Variants in PLSCR5 observed in about 807,000 individuals in gnomAD.
The protein encoded by PLSCR5 is phospholipid scramblase family member 5.
Under a neutral mutation model 33.6 loss-of-function variants are expected in PLSCR5, and 44 were observed. The ratio of observed to expected loss-of-function variants is 1.31; its 90% CI spans 1.03 to 1.69. The LOEUF is 1.69. Ranked by LOEUF, PLSCR5 falls within the 40% of genes most tolerant of loss-of-function variation. PLSCR5 has a pLI of 0.00. For synonymous variants in PLSCR5, 148 were observed against 112.3 expected (o/e 1.32, Z -2.01); for missense variants, 375 against 318.7 (o/e 1.18, Z -1.34).
At chr3:146,602,390 A>G (rs1265411674) in intron 1 of PLSCR5, among the ~76,000 whole-genome samples, 1 of 152,196 alleles carries the variant, frequency 6.6e-6, no homozygotes, top group African/African-American at 2.4e-5. Flanking sequence ...AGAAAAACAT[A>G]GAAGCAAAAT....
rs1219601511 is a variant in PLSCR5, at chr3:146,577,289, C to T, written c.*45-564G>A. On this transcript the variant is annotated intron_variant, in intron 7 of 7. Transcript: ENST00000482567. ...GCATTTGTATCCATTCTTAGACCTA[C>T]TCACACTTGCTCAATGACCTTGAGT... 3.3e-5 allele frequency among the ~76,000 whole-genome samples: 5 copies of T among 152,222 alleles called. No homozygotes were observed. In the South Asian group the frequency reaches 8.3e-4, roughly 25 times the overall value.
intron 7 of PLSCR5, among the ~76,000 whole-genome samples, chr3:146,580,632 T>C (rs1274740786): frequency 6.6e-6 from 1 of 151,978 alleles, no homozygotes; most frequent in African/African-American, 2.4e-5. Flanking sequence ...CCCAGTTAAT[T>C]TTTTGTATTT....
At chr3:146,581,298 T>C (rs139774353), downstream of PLSCR5, among the ~76,000 whole-genome samples, 238 of 152,352 alleles carry the variant, frequency 1.6e-3, 2 homozygotes, top group Middle Eastern at 0.017. Context: ...TTGTTTTAGA[T>C]ATTGAGTGGT....
Position 146,600,403 on chromosome 3 carries a change from T to C in PLSCR5, c.74A>G (p.Gln25Arg). Residue 25 changes from glutamine (Q) to arginine (R), a missense_variant, in exon 2 of 8, where the codon CAA becomes CGA. Gln to Arg is a conservative substitution (Grantham distance 43, BLOSUM62 1). Transcript: ENST00000443512. ...TGGATTGGAAGAGGCAGGAAGGCTT[T>C]GGTCTGGGTCTGGAGCTCCAGGAAG... Reference protein sequence around the residue: ...GFLPGAPDPDQSLPASSNPGN... With the variant: ...GFLPGAPDPDRSLPASSNPGN... The C allele has an allele frequency of 1.2e-6, 2 of 1,608,860 alleles. No individual in the cohort carries two copies. Among genetic ancestry groups the C allele is most frequent in the Non-Finnish European group, 8.5e-7 (1 of 1,176,992 alleles).
In PLSCR5 at chr3:146,589,787, T is replaced by A; in HGVS notation, c.643A>T (p.Ile215Phe). ...EVKTINEKLT[I>F]GKISKYWSGF... ...GACCAGTACTTTGAAATCTTCCCAA[T>A]TGTAAGCTTTTCATTAATGGTTTTC... The change falls in exon 6 of 8, where the codon ATT (isoleucine) becomes TTT (phenylalanine). Residue 215 changes from isoleucine to phenylalanine, a missense_variant. By Grantham distance (21) the Ile-to-Phe change is conservative. Transcript: ENST00000443512. 1.3e-6 allele frequency: 2 copies of A among 1,556,440 alleles called. No homozygotes were observed. The highest frequency in any genetic ancestry group is 1.8e-6 in the Non-Finnish European group (2 of 1,139,488).
chr3:146,578,703 C>T (rs1235365134), intron 7 of PLSCR5, among the ~76,000 whole-genome samples: 1 of 152,030 alleles, frequency 6.6e-6, no homozygotes, highest in Non-Finnish European at 1.5e-5. Context: ...TCATAATGTT[C>T]ATTAATGCTA....
intron 2 of PLSCR5, among the ~76,000 whole-genome samples, chr3:146,596,104 GATTAAATTAAAAAATCTGTA>G (rs1270001037): frequency 6.6e-6 from 1 of 151,950 alleles, no homozygotes; most frequent in Non-Finnish European, 1.5e-5. Flanking sequence ...GAGAAATGAT[GATTAAATTAAAAAATCTGTA>G]ATGCAAATTG....
chr3:146,590,994 T>TTTG lies in PLSCR5; in HGVS notation c.615+723_615+725dup, dbSNP rs62882060. Among the ~76,000 whole-genome samples the TTTG allele has an allele frequency of 1.1e-4, 8 of 75,490 alleles. No individual in the cohort carries two copies. The South Asian group carries it at 2.4e-3, about 22-fold the overall frequency. The allele number at this position is 75,490 out of a possible 152,430, so 49.5% of individuals were successfully genotyped here. ...TACAAATACGAGAATAAGGTTTTTT[T>TTTG]TTGTTTTTTTTTTTTGTTTTTTTTA... On this transcript the variant is annotated intron_variant, in intron 5 of 7. Coordinates refer to ENST00000443512, the MANE Select transcript of PLSCR5 (RefSeq NM_001085420.2).
chr3:146,597,108 A>G (rs1054444853), intron 2 of PLSCR5, among the ~76,000 whole-genome samples: 6 of 152,190 alleles, frequency 3.9e-5, no homozygotes, highest in African/African-American at 1.2e-4. Flanking sequence ...GAGTTTAGGT[A>G]CTTTGAATAC....
intron 6 of PLSCR5, among the ~76,000 whole-genome samples, chr3:146,588,179 T>C (rs972818173): frequency 6.6e-6 from 1 of 152,040 alleles, no homozygotes; most frequent in Non-Finnish European, 1.5e-5. Flanking sequence ...ACTTAAAAAA[T>C]GCCAATGTCG....
chr3:146,590,880 T>C (rs544795593), intron 5 of PLSCR5, among the ~76,000 whole-genome samples: 2 of 152,052 alleles, frequency 1.3e-5, no homozygotes, highest in East Asian at 3.9e-4. Context: ...CTCCTCTACC[T>C]AAGTTGTATG....
At chr3:146,601,758 T>G (rs1303921558) in intron 1 of PLSCR5, among the ~76,000 whole-genome samples, 1 of 152,122 alleles carries the variant, frequency 6.6e-6, no homozygotes, top group Non-Finnish European at 1.5e-5. Flanking sequence ...TGTTTGTGTG[T>G]GGGGCAGGGG....
At chr3:146,594,262 T>C in intron 3 of PLSCR5, 122 bp from the exon 4 acceptor site, 1 of 697,246 alleles carries the variant, frequency 1.4e-6, no homozygotes, top group East Asian at 2.8e-5. Context: ...TATGGTATCT[T>C]CTTCACACAA....
At chr3:146,596,925 T>C (rs966838001) in intron 2 of PLSCR5, among the ~76,000 whole-genome samples, 1 of 152,138 alleles carries the variant, frequency 6.6e-6, no homozygotes, top group African/African-American at 2.4e-5. Context: ...AAGAAAGCTT[T>C]TATTAGAAAA....
intron 4 of PLSCR5, among the ~76,000 whole-genome samples, chr3:146,592,726 A>G (rs1286696446): frequency 2.0e-5 from 3 of 152,272 alleles, no homozygotes; most frequent in African/African-American, 7.2e-5. Flanking sequence ...TCACTTTTAA[A>G]GTTATTAATT....
intron 2 of PLSCR5, among the ~76,000 whole-genome samples, chr3:146,598,105 A>G (rs1287140523): frequency 6.6e-6 from 1 of 152,196 alleles, no homozygotes; most frequent in African/African-American, 2.4e-5. Flanking sequence ...TCATGGAAAC[A>G]AGATTCTCAA....
intron 7 of PLSCR5, among the ~76,000 whole-genome samples, chr3:146,576,925 C>T (rs73156928): frequency 0.15 from 23,206 of 151,658 alleles, 1,918 homozygotes; most frequent in Non-Finnish European, 0.19. Flanking sequence ...AAAAGTTATA[C>T]TATTTTGTCA....
At chr3:146,586,510 T>C (rs2044667061) in intron 6 of PLSCR5, among the ~76,000 whole-genome samples, 1 of 152,218 alleles carries the variant, frequency 6.6e-6, no homozygotes, top group Non-Finnish European at 1.5e-5. Flanking sequence ...TGATAAACCC[T>C]TTGCAGAATT....
intron 7 of PLSCR5, among the ~76,000 whole-genome samples, chr3:146,580,160 C>A (rs1321447576): frequency 6.6e-6 from 1 of 152,112 alleles, no homozygotes; most frequent in Non-Finnish European, 1.5e-5. Context: ...CTGATTTGAA[C>A]CTGTTCTTAT....
Sources: gnomAD v4.1 joint callset for allele counts (sites outside exome capture counted in the v4.1 genomes callset) on GRCh38, gnomAD v4.1.1 for gene constraint, MANE v1.5 for transcripts, NCBI Gene and HGNC (gene_info 2026-07-23, HGNC 2026-07-21) for gene names.